NCOR1: variants seen among roughly 807,000 people sequenced by gnomAD.
NCOR1 encodes the protein protein phosphatase 1, regulatory subunit 109.
Under a neutral mutation model 288.1 loss-of-function variants are expected in NCOR1, and 63 were observed. That is an observed-to-expected ratio of 0.22 (90% confidence interval 0.18 to 0.27). NCOR1 has a LOEUF of 0.27. NCOR1 is among the 10% of genes least tolerant of loss of function. The probability of loss-of-function intolerance (pLI) is 1.00; values close to 1 mark genes in which losing one functional copy is unlikely to be tolerated. For missense variants in NCOR1, 2,397 were observed against 3,019.2 expected, an observed-to-expected ratio of 0.79 and a Z score of 4.83; for synonymous variants, 1,007 against 1,065.9, an observed-to-expected ratio of 0.94 and a Z score of 1.08.
chr17:16,083,116 C>T (rs1567901466), intron 23 of NCOR1, among the ~76,000 whole-genome samples: 1 of 151,944 alleles, frequency 6.6e-6, no homozygotes, highest in Non-Finnish European at 1.5e-5. Context: ...ACCTGTAGTC[C>T]CAGCTACTTG....
rs141747450 is a variant in NCOR1, at chr17:16,058,003, T to C, written c.6072A>G (p.Pro2024=). ...LHHYRPQQES[P]SPQQQLPPSS... is the part of the protein sequence containing the mutation. ...AAGGGGGCAGCTGTTGTTGGGGAGA[T>C]GGTGATTCCTGCTGTGGTCGATAGT... Residue 2024 remains proline, a synonymous_variant, in exon 39 of 46, where the codon CCA becomes CCG. Coordinates refer to ENST00000268712, the MANE Select transcript of NCOR1 (RefSeq NM_006311.4). The C allele has an allele frequency of 2.5e-6, 4 of 1,614,156 alleles. No individual in the cohort carries two copies. The highest frequency in any genetic ancestry group is 3.4e-6 in the Non-Finnish European group (4 of 1,180,008).
At chr17:16,134,046 G>C (rs1281032838) in intron 14 of NCOR1, among the ~76,000 whole-genome samples, 1 of 152,150 alleles carries the variant, frequency 6.6e-6, no homozygotes, top group African/African-American at 2.4e-5. Flanking sequence ...AGAGCAACCA[G>C]AGTAATCATG....
chr17:16,033,025 C>T (rs1468277076), intron 45 of NCOR1, among the ~76,000 whole-genome samples: 4 of 152,008 alleles, frequency 2.6e-5, no homozygotes, highest in Non-Finnish European at 5.9e-5. Context: ...TTTAACTGTC[C>T]CCAGAAAGCC....
chr17:16,198,916 C>T lies in NCOR1; in HGVS notation c.-70-4277G>A, dbSNP rs866980545. 4.9e-4 allele frequency among the ~76,000 whole-genome samples: 74 copies of T among 152,014 alleles called. 2 individuals carry two copies. In the Middle Eastern group the frequency reaches 0.027, roughly 56 times the overall value. On this transcript the variant is annotated intron_variant, in intron 1 of 45. Coordinates refer to ENST00000268712, the MANE Select transcript of NCOR1 (RefSeq NM_006311.4). ...AGAGGCAAAAAAAAAGATTTTAACC[C>T]AGGGTCATCCAATTTTTTTCTAACA...
Position 16,126,189 on chromosome 17 carries a change from C to G in NCOR1, c.1527G>C (p.Ser509=). Residue 509 remains serine (S), a synonymous_variant, in exon 15 of 46, where the codon TCG becomes TCC. Transcript: ENST00000268712. ...RGRNQQIARP[S]QEEKVEEKEE... ...CTTTTTCTTCTACTTTTTCTTCTTG[C>G]GAGGGTCGAGCAATTTGCTGCTAGA... 2.0e-6 allele frequency: 3 copies of G among 1,519,614 alleles called. No individual in the cohort carries two copies. The South Asian group carries it at 4.1e-5, about 21-fold the overall frequency. The allele number at this position is 1,519,614 out of a possible 1,614,324, so 94.1% of individuals were successfully genotyped here.
intron 32 of NCOR1, 94 bp downstream of exon 32, chr17:16,067,800 G>T: frequency 8.5e-7 from 1 of 1,171,600 alleles, no homozygotes; most frequent in Non-Finnish European, 1.2e-6. Context: ...AATGATATTT[G>T]CAATTGTACT....
chr17:16,161,708 GAAC>G (rs1387236881), intron 5 of NCOR1, among the ~76,000 whole-genome samples: 1 of 152,324 alleles, frequency 6.6e-6, no homozygotes, highest in East Asian at 1.9e-4. Flanking sequence ...GATGAACACA[GAAC>G]ATTATTATCA....
Position 16,086,283 on chromosome 17 carries a change from T to C in NCOR1, c.3176A>G (p.Gln1059Arg). ...TACTGTAAAGAGAAGTCGTTTCACC[T>C]GTGAGATGGAGCCTCCCATTATAAA... is the stretch of plus-strand genomic sequence containing the variant. Reference protein sequence around the residue: ...PSFIMGGSISQGTPGTYLTSH... With the variant: ...PSFIMGGSISRGTPGTYLTSH... The change falls in exon 23 of 46, where the codon CAG (glutamine) becomes CGG (arginine). Residue 1059 changes from glutamine (Q) to arginine (R), a missense_variant and splice_region_variant. By Grantham distance (43) the Gln-to-Arg change is conservative. Around this residue, in one of 11 missense-constraint regions of NCOR1, gnomAD observed 1,872 missense variants for 2,187.8 expected, o/e 0.86. Coordinates refer to ENST00000268712, the MANE Select transcript of NCOR1 (RefSeq NM_006311.4). 1 of 1,613,588 alleles carries C rather than the reference T, an allele frequency of 6.2e-7. No homozygotes were observed. The highest frequency in any genetic ancestry group is 8.5e-7 in the Non-Finnish European group (1 of 1,179,810).
At chr17:16,148,736 A>G (rs753508711) in intron 9 of NCOR1, among the ~76,000 whole-genome samples, 5 of 150,768 alleles carry the variant, frequency 3.3e-5, no homozygotes. Flanking sequence ...CAGACTGGCA[A>G]ATTAGAACAT....
chr17:16,117,436 T>A (rs1370651367), intron 18 of NCOR1, among the ~76,000 whole-genome samples: 1 of 149,154 alleles, frequency 6.7e-6, no homozygotes, highest in Non-Finnish European at 1.5e-5. Context: ...AAATTTAGCA[T>A]ACCTTTTACA....
intron 1 of NCOR1, among the ~76,000 whole-genome samples, chr17:16,204,459 G>A (rs1204287419): frequency 2.0e-5 from 3 of 152,098 alleles, no homozygotes; most frequent in Admixed American, 1.3e-4. Context: ...AAAAAGGCAT[G>A]CAGTTAAAAA....
At chr17:16,114,440 C>A (rs866817298) in intron 18 of NCOR1, among the ~76,000 whole-genome samples, 14 of 152,280 alleles carry the variant, frequency 9.2e-5, no homozygotes, top group African/African-American at 2.6e-4. Context: ...CCTCCAAAGT[C>A]TTCACTAATT....
chr17:16,073,879 T>C (rs1567846968), intron 27 of NCOR1, among the ~76,000 whole-genome samples: 1 of 152,144 alleles, frequency 6.6e-6, no homozygotes, highest in Non-Finnish European at 1.5e-5. Flanking sequence ...AAAGGAGAAG[T>C]ATAATGTGCT....
At chr17:16,074,632 A>G (rs1167627654) in intron 27 of NCOR1, among the ~76,000 whole-genome samples, 1 of 152,206 alleles carries the variant, frequency 6.6e-6, no homozygotes, top group East Asian at 1.9e-4. Context: ...GTATTGGAAG[A>G]GAAAGCATAG....
chr17:16,145,743 C>T (rs1236570987), intron 10 of NCOR1, among the ~76,000 whole-genome samples: 1 of 152,068 alleles, frequency 6.6e-6, no homozygotes, highest in Non-Finnish European at 1.5e-5. Flanking sequence ...AGTCAGCCGC[C>T]CCATCCGGGG....
intron 2 of NCOR1, among the ~76,000 whole-genome samples, chr17:16,190,600 C>G (rs1048488817): frequency 6.6e-6 from 1 of 152,028 alleles, no homozygotes; most frequent in Non-Finnish European, 1.5e-5. Flanking sequence ...CTCAGCCTCC[C>G]AAAGTGCTGG....
chr17:16,093,359 A>G (rs766277647), intron 21 of NCOR1, among the ~76,000 whole-genome samples: 8 of 152,208 alleles, frequency 5.3e-5, no homozygotes, highest in Non-Finnish European at 1.2e-4. Flanking sequence ...GGCCATCCAT[A>G]ACCATCCAAT....
At chr17:16,039,046 G>A (rs1032738164) in intron 44 of NCOR1, among the ~76,000 whole-genome samples, 17 of 152,214 alleles carry the variant, frequency 1.1e-4, no homozygotes, top group African/African-American at 3.9e-4. Context: ...TGGGATTACA[G>A]GCGTGAACCA....
intron 42 of NCOR1, chr17:16,041,329 G>T (rs1049550540): frequency 6.7e-6 from 1 of 148,232 alleles, no homozygotes; most frequent in Non-Finnish European, 1.5e-5. Flanking sequence ...TTGACGCTAA[G>T]AATTTTAAAG....
Sources: allele counts gnomAD v4.1 joint callset (sites outside exome capture counted in the v4.1 genomes callset), GRCh38; gene constraint gnomAD v4.1.1; regional missense constraint gnomAD v4.1.1; transcripts MANE v1.5; gene names NCBI Gene and HGNC (gene_info 2026-07-23, HGNC 2026-07-21).